DENND1A: variants seen among roughly 807,000 people sequenced by gnomAD.
DENND1A encodes DENN domain containing 1A, also known as DENN domain-containing protein 1A.
A neutral mutation model predicts 113.7 loss-of-function variants in DENND1A; 51 were observed. The observed-to-expected ratio is 0.45, with a 90% CI of 0.36 to 0.57. DENND1A has a LOEUF of 0.57. Ranked by LOEUF, DENND1A falls within the 20% of genes least tolerant of loss-of-function variation. DENND1A has a pLI of 0.00. For synonymous variants in DENND1A, 565 were observed against 570.8 expected, an observed-to-expected ratio of 0.99 and a Z score of 0.14; for missense variants, 1,258 against 1,395.9, an observed-to-expected ratio of 0.90 and a Z score of 1.57.
At chr9:123,821,049 CA>C (rs1338476407) in intron 2 of DENND1A, among the ~76,000 whole-genome samples, 2 of 152,224 alleles carry the variant, frequency 1.3e-5, no homozygotes, top group Admixed American at 1.3e-4. Flanking sequence ...TGAATACTGA[CA>C]AGCTAAACCA....
intron 13 of DENND1A, among the ~76,000 whole-genome samples, chr9:123,508,968 A>C (rs1213059302): frequency 1.3e-5 from 2 of 152,162 alleles, no homozygotes; most frequent in Non-Finnish European, 2.9e-5. Context: ...ATGACTTACA[A>C]AATGCACATG....
rs1373052499 is a variant in DENND1A, at chr9:123,381,638, G to T, written c.3007C>A (p.Leu1003Met). 3 of 1,610,798 alleles carry T rather than the reference G, an allele frequency of 1.9e-6. No homozygotes were observed. The highest frequency in any genetic ancestry group is 1.7e-6 in the Non-Finnish European group (2 of 1,178,902). ...AGAAGCGGGGGGTCTCCAGGCCTCA[G>T]GGCCAGCCCCTGCTTGGTCTCAGCA... ...RAAETKQGLA[L>M]RPGDPPLLPP... Residue 1003 changes from leucine to methionine, a missense_variant, in exon 24 of 24, where the codon CTG becomes ATG. By Grantham distance (15) the Leu-to-Met change is conservative. This residue lies in a region of DENND1A where 1,159 missense variants were observed against 1,231.7 expected (regional missense o/e 0.94). Coordinates refer to ENST00000394215, the MANE Select transcript of DENND1A (RefSeq NM_001352964.2). This position sits in a 1 kb window ranked among gnomAD's most constrained non-coding sequence, Gnocchi z 4.7.
intron 22 of DENND1A, among the ~76,000 whole-genome samples, 164 bp from the exon 23 acceptor site, chr9:123,384,077 G>A (rs936665995): frequency 6.6e-5 from 10 of 152,226 alleles, no homozygotes; most frequent in Admixed American, 6.5e-5. Context: ...GGGAGGCTGC[G>A]AGGGTGCAAG....
chr9:123,801,212 C>T (rs1031782158), intron 2 of DENND1A, among the ~76,000 whole-genome samples: 3 of 152,206 alleles, frequency 2.0e-5, no homozygotes, highest in Admixed American at 6.5e-5. Context: ...CATGTTGTGA[C>T]ATTGAGTACA....
intron 21 of DENND1A, 129 bp from the exon 22 acceptor site, chr9:123,387,987 G>C: frequency 2.1e-6 from 2 of 955,516 alleles, no homozygotes; most frequent in South Asian, 1.7e-5. Context: ...GCCTGGGGTG[G>C]GGGCTCTCAG....
chr9:123,849,639 A>T (rs1843062924), intron 2 of DENND1A, among the ~76,000 whole-genome samples: 1 of 152,202 alleles, frequency 6.6e-6, no homozygotes, highest in South Asian at 2.1e-4. Context: ...AGTAATTTTG[A>T]CTTTGAAGTC....
At chr9:123,406,364 C>T (rs12341785) in intron 20 of DENND1A, among the ~76,000 whole-genome samples, 17,194 of 152,238 alleles carry the variant, frequency 0.11, 1,215 homozygotes, top group Middle Eastern at 0.21. Context: ...GGGTCTGGTA[C>T]ACAATGGGGG....
At chr9:123,604,263 T>C (rs2060053120) in intron 11 of DENND1A, among the ~76,000 whole-genome samples, 2 of 152,202 alleles carry the variant, frequency 1.3e-5, no homozygotes, top group African/African-American at 4.8e-5. Context: ...AATTCTTCTA[T>C]TTATCTACTA....
chr9:123,489,358 G>A (rs1164369401), intron 13 of DENND1A, among the ~76,000 whole-genome samples: 1 of 152,178 alleles, frequency 6.6e-6, no homozygotes, highest in Non-Finnish European at 1.5e-5. Context: ...CATGAATCCT[G>A]GCACTGAGTA....
intron 22 of DENND1A, among the ~76,000 whole-genome samples, chr9:123,385,465 A>G (rs906844275): frequency 6.6e-6 from 1 of 152,194 alleles, no homozygotes; most frequent in Non-Finnish European, 1.5e-5. Flanking sequence ...GCCTGGCCAC[A>G]TCTCACCTCT....
intron 5 of DENND1A, among the ~76,000 whole-genome samples, chr9:123,699,389 G>A (rs894845355): frequency 2.0e-5 from 3 of 152,076 alleles, no homozygotes; most frequent in African/African-American, 4.8e-5. Flanking sequence ...TAAGTTATCT[G>A]TATATTACAT....
At chr9:123,496,275 T>C (rs1191712514) in intron 13 of DENND1A, among the ~76,000 whole-genome samples, 1 of 152,218 alleles carries the variant, frequency 6.6e-6, no homozygotes, top group African/African-American at 2.4e-5. Context: ...TGGAGGAGCA[T>C]TGTCATTGCT....
At chr9:123,691,910 G>T (rs1434811481) in intron 5 of DENND1A, among the ~76,000 whole-genome samples, 1 of 152,182 alleles carries the variant, frequency 6.6e-6, no homozygotes, top group Admixed American at 6.5e-5. Context: ...GGAGAAGAGA[G>T]CTAACAAAGG....
At chr9:123,883,201 G>A (rs1463143523) in intron 1 of DENND1A, among the ~76,000 whole-genome samples, 1 of 152,148 alleles carries the variant, frequency 6.6e-6, no homozygotes, top group African/African-American at 2.4e-5. Context: ...CATTATACCT[G>A]CCATAATCTT....
intron 10 of DENND1A, among the ~76,000 whole-genome samples, chr9:123,623,602 A>G (rs2061056684): frequency 6.6e-6 from 1 of 152,362 alleles, no homozygotes; most frequent in South Asian, 2.1e-4. Context: ...CATTTGTACT[A>G]AACTGATTTT....
At chr9:123,754,350 T>C (rs2070341749) in intron 5 of DENND1A, among the ~76,000 whole-genome samples, 2 of 152,202 alleles carry the variant, frequency 1.3e-5, no homozygotes, top group Admixed American at 1.3e-4. Context: ...AGCCTAGCAA[T>C]GTTCCCAAAC....
chr9:123,470,867 G>A (rs1036538783), intron 13 of DENND1A, among the ~76,000 whole-genome samples: 17 of 152,104 alleles, frequency 1.1e-4, no homozygotes, highest in African/African-American at 9.7e-5. Flanking sequence ...TCCTCCGAAC[G>A]TCACTCATGC....
chr9:123,697,749 C>T (rs1390152977), intron 5 of DENND1A, among the ~76,000 whole-genome samples: 1 of 152,146 alleles, frequency 6.6e-6, no homozygotes, highest in Non-Finnish European at 1.5e-5. Context: ...ATGCGAAAAA[C>T]CAGGAACCCC....
chr9:123,697,537 C>T (rs368650551), intron 5 of DENND1A, among the ~76,000 whole-genome samples: 52 of 152,162 alleles, frequency 3.4e-4, no homozygotes, highest in Non-Finnish European at 3.7e-4. Flanking sequence ...TCTCTTGCCC[C>T]GTCCCATTCT....
Sources: gnomAD v4.1 joint callset for allele counts (sites outside exome capture counted in the v4.1 genomes callset) on GRCh38, gnomAD v4.1.1 for gene constraint, gnomAD v4.1.1 regional missense constraint, Gnocchi (gnomAD v3.1) non-coding constraint, MANE v1.5 for transcripts, NCBI Gene and HGNC (gene_info 2026-07-23, HGNC 2026-07-21) for gene names.